The following SLC12A7 variants were observed in gnomAD, a reference collection of about 807,000 sequenced individuals.
SLC12A7 encodes solute carrier family 12 member 7, also known as K-Cl cotransporter 4.
SLC12A7 carries 100 observed loss-of-function variants against 120.6 expected under a neutral mutation model. That is an observed-to-expected ratio of 0.83 (90% CI 0.71 to 0.98). The LOEUF (loss-of-function observed/expected upper bound fraction) is 0.98. SLC12A7 is among the 50% of genes least tolerant of loss of function. The pLI, the probability that SLC12A7 is intolerant of heterozygous loss-of-function variation, is 0.00. For missense variants in SLC12A7, 1,373 were observed against 1,548.1 expected, an observed-to-expected ratio of 0.89 and a Z score of 1.90; for synonymous variants, 760 against 678.0, an observed-to-expected ratio of 1.12 and a Z score of -1.88.
At position 1,079,475 on chromosome 5, in the gene SLC12A7, C is replaced by T. The variant is rs753777428; in HGVS notation, c.1319G>A (p.Arg440Gln). ...CTGTGCATCCTTGAGGTCCCCGGAC[C>T]GGTTTGAACCCGCCATGATACCTGT... is the stretch of plus-strand genomic sequence containing the variant. ...SVTGIMAGSN[R>Q]SGDLKDAQKS... Residue 440 changes from arginine (R) to glutamine (Q), a missense_variant, in exon 10 of 24, where the codon CGG becomes CAG. Physicochemically the swap from Arg to Gln is conservative, Grantham distance 43. Coordinates refer to ENST00000264930, the MANE Select transcript of SLC12A7 (RefSeq NM_006598.3). The T allele has an allele frequency of 2.4e-5, 39 of 1,612,464 alleles. No homozygotes were observed. Among genetic ancestry groups the T allele is most frequent in the Admixed American group, 1.8e-4 (11 of 59,990 alleles).
chr5:1,119,623 G>A, the SLC12A7 span, among the ~76,000 whole-genome samples: 1 of 152,246 alleles, frequency 6.6e-6, no homozygotes, highest in East Asian at 1.9e-4. Context: ...AGGAAGCACG[G>A]GAACAACGGA....
At chr5:1,090,658 A>C (rs1740393341) in intron 3 of SLC12A7, among the ~76,000 whole-genome samples, 1 of 152,192 alleles carries the variant, frequency 6.6e-6, no homozygotes, top group Non-Finnish European at 1.5e-5. Context: ...GCCGACAGGC[A>C]GAGCTCCAGG....
At chr5:1,116,878 A>G (rs1055439316), upstream of SLC12A7, among the ~76,000 whole-genome samples, 4 of 152,128 alleles carry the variant, frequency 2.6e-5, no homozygotes. Flanking sequence ...CTCAGGGGGA[A>G]AGGCCATGCC....
At chr5:1,131,931 G>C in the SLC12A7 span, among the ~76,000 whole-genome samples, 1 of 152,202 alleles carries the variant, frequency 6.6e-6, no homozygotes, top group East Asian at 1.9e-4. Context: ...AGGGGCGTTT[G>C]AACCAGAGTG....
intron 1 of SLC12A7, among the ~76,000 whole-genome samples, chr5:1,104,694 C>T (rs1340848890): frequency 2.0e-5 from 3 of 152,184 alleles, no homozygotes; most frequent in Non-Finnish European, 2.9e-5. Context: ...GTGTGGGGTG[C>T]GTGTGGGGTG....
the SLC12A7 span, among the ~76,000 whole-genome samples, chr5:1,135,091 C>T: frequency 6.6e-6 from 1 of 152,184 alleles, no homozygotes; most frequent in East Asian, 1.9e-4. Context: ...CTCACCACTG[C>T]ACCCCAGCCT....
In SLC12A7 at chr5:1,087,052, C is replaced by T; in HGVS notation, c.545-19G>A. The T allele has an allele frequency of 6.2e-7, 1 of 1,605,830 alleles. No individual in the cohort carries two copies. Among genetic ancestry groups the T allele is most frequent in the South Asian group, 1.1e-5 (1 of 90,324 alleles). ...CCGCCAGCTGCGGAGACAAAGGCGG[C>T]AGCCGCGGGTCAGGGGCGCACTTGG... On this transcript the variant is annotated intron_variant, in intron 5 of 23. Coordinates refer to ENST00000264930, the MANE Select transcript of SLC12A7 (RefSeq NM_006598.3).
At chr5:1,131,873 A>AGC in the SLC12A7 span, among the ~76,000 whole-genome samples, 1 of 152,190 alleles carries the variant, frequency 6.6e-6, no homozygotes, top group Non-Finnish European at 1.5e-5. Context: ...GGTGGGGCCC[A>AGC]GCGCCCTGGC....
intron 20 of SLC12A7, among the ~76,000 whole-genome samples, chr5:1,063,356 T>A (rs1736515864): frequency 6.6e-6 from 1 of 151,980 alleles, no homozygotes; most frequent in Non-Finnish European, 1.5e-5. Flanking sequence ...TGCTCAGAGG[T>A]GCACCCACCA....
chr5:1,141,870 G>A, the SLC12A7 span, among the ~76,000 whole-genome samples: 1 of 152,222 alleles, frequency 6.6e-6, no homozygotes, highest in Admixed American at 6.5e-5. Flanking sequence ...TAGTGAGGGA[G>A]AAGTGAACTT....
chr5:1,052,293 AGCCCAG>A lies in SLC12A7; in HGVS notation c.*61_*66del, dbSNP rs777812942. 1.4e-4 allele frequency: 193 copies of A among 1,349,854 alleles called. 4 individuals are homozygous for A. The South Asian group carries it at 2.1e-3, about 14-fold the overall frequency. The allele number at this position is 1,349,854 out of a possible 1,614,324, so 83.6% of individuals were successfully genotyped here. A position where few individuals can be genotyped will look rare whatever the true frequency, so the allele number is the denominator to read the frequency against. On this transcript the variant is annotated 3_prime_UTR_variant, in exon 24 of 24. Transcript: ENST00000264930. ...GTCTGCCGTCTGTTTCCCTGGGCCA[AGCCCAG>A]GCCCAGGCTGCCCACGCCGTCCTCC...
At chr5:1,153,840 G>A in the SLC12A7 span, among the ~76,000 whole-genome samples, 8 of 152,258 alleles carry the variant, frequency 5.3e-5, no homozygotes, top group South Asian at 1.5e-3. Flanking sequence ...GTGTGCATCT[G>A]GGGAGTGCCA....
intron 23 of SLC12A7, 50 bp from the exon 24 acceptor site, chr5:1,052,501 A>G: frequency 6.7e-7 from 1 of 1,484,004 alleles, no homozygotes; most frequent in Non-Finnish European, 9.4e-7. Context: ...GAGCGTGTGT[A>G]GCTGAAATCG....
chr5:1,109,690 G>A (rs1263389285), intron 1 of SLC12A7, among the ~76,000 whole-genome samples: 1 of 152,180 alleles, frequency 6.6e-6, no homozygotes, highest in Non-Finnish European at 1.5e-5. Flanking sequence ...CCCAACCCAG[G>A]CTGGGGACAC....
the SLC12A7 span, among the ~76,000 whole-genome samples, chr5:1,134,186 T>C: frequency 6.6e-6 from 1 of 152,124 alleles, no homozygotes; most frequent in African/African-American, 2.4e-5. Context: ...GTTAAAAAAC[T>C]TGGCTGGGCG....
the SLC12A7 span, among the ~76,000 whole-genome samples, chr5:1,142,568 C>T: frequency 4.5e-5 from 6 of 133,690 alleles, no homozygotes; most frequent in African/African-American, 1.7e-4. Flanking sequence ...CTCTCTGTCT[C>T]TCTTTCTGTC....
At chr5:1,121,397 G>T in the SLC12A7 span, among the ~76,000 whole-genome samples, 1 of 152,228 alleles carries the variant, frequency 6.6e-6, no homozygotes, top group East Asian at 1.9e-4. Context: ...TTGCTGGGGG[G>T]CAGGGCCGAC....
chr5:1,131,989 C>T, the SLC12A7 span, among the ~76,000 whole-genome samples: 9 of 152,190 alleles, frequency 5.9e-5, no homozygotes, highest in Admixed American at 4.6e-4. Context: ...AGGCCTGCTG[C>T]GCTGCATTCC....
intron 1 of SLC12A7, among the ~76,000 whole-genome samples, chr5:1,094,897 C>G (rs1294020834): frequency 6.6e-6 from 1 of 152,010 alleles, no homozygotes; most frequent in Non-Finnish European, 1.5e-5. Flanking sequence ...GGGGGTAATC[C>G]TAGCAGCTGC....
Sources: allele counts gnomAD v4.1 joint callset (sites outside exome capture counted in the v4.1 genomes callset), GRCh38; gene constraint gnomAD v4.1.1; transcripts MANE v1.5; gene names NCBI Gene and HGNC (gene_info 2026-07-23, HGNC 2026-07-21).